The following CEP72 variants were observed in gnomAD, a reference collection of about 807,000 sequenced individuals.
CEP72 encodes centrosomal protein of 72 kDa.
A neutral mutation model predicts 65.7 loss-of-function variants in CEP72; 78 were observed. The observed-to-expected ratio is 1.19, with a 90% confidence interval of 0.99 to 1.43. The LOEUF is 1.43. Ranked by LOEUF, CEP72 falls within the 40% of genes most tolerant of loss-of-function variation. The pLI is 0.00. For missense variants in CEP72, 914 were observed against 832.9 expected (o/e 1.10, Z -1.20); for synonymous variants, 358 against 351.7 (o/e 1.02, Z -0.20).
intron 1 of CEP72, among the ~76,000 whole-genome samples, chr5:615,370 A>T (rs1735929799): frequency 6.6e-6 from 1 of 152,116 alleles, no homozygotes; most frequent in African/African-American, 2.4e-5. Flanking sequence ...TCCTGACCTC[A>T]GGTGATCTCT....
At chr5:651,420 C>G (rs572427388) in intron 11 of CEP72, among the ~76,000 whole-genome samples, 1 of 151,860 alleles carries the variant, frequency 6.6e-6, no homozygotes, top group Non-Finnish European at 1.5e-5. Flanking sequence ...TGAGATATGA[C>G]CTGTGTGCAG....
intron 9 of CEP72, 65 bp from the exon 10 acceptor site, chr5:644,234 T>G (rs745386383): frequency 1.9e-6 from 3 of 1,570,062 alleles, no homozygotes; most frequent in Non-Finnish European, 2.6e-6. Flanking sequence ...GGTTTCAGTT[T>G]TACTTTCTAT....
At chr5:661,770 C>T (rs1430212265), downstream of CEP72, 2 of 152,380 alleles carry the variant, frequency 1.3e-5, no homozygotes, top group Admixed American at 6.5e-5. Context: ...GTCCTCGTGA[C>T]TTTATTTTTG....
intron 11 of CEP72, among the ~76,000 whole-genome samples, chr5:648,384 G>A (rs56177244): frequency 1.4e-5 from 2 of 140,910 alleles, no homozygotes; most frequent in Admixed American, 7.0e-5. Context: ...ACGAGGCATG[G>A]ACTGTGAGAT....
chr5:612,589 C>T (rs1025164391), intron 1 of CEP72, 146 bp downstream of exon 1: 13 of 1,224,596 alleles, frequency 1.1e-5, no homozygotes, highest in Non-Finnish European at 1.3e-5. Flanking sequence ...GCGAGCGGGG[C>T]GCGCGTGTCC....
intron 9 of CEP72, chr5:642,685 C>T (rs1254829367): frequency 9.1e-6 from 9 of 985,320 alleles, no homozygotes; most frequent in Non-Finnish European, 1.1e-5. Context: ...GACAGAGCAG[C>T]CCTGGTTCCC....
At chr5:665,508 G>T (rs376970018) in intron 3 of CEP72, among the ~76,000 whole-genome samples, 1 of 152,124 alleles carries the variant, frequency 6.6e-6, no homozygotes, top group South Asian at 2.1e-4. Context: ...CCTAACAATT[G>T]CCCAGGTCCA....
At chr5:675,220 G>A in the CEP72 span, among the ~76,000 whole-genome samples, 23 of 104,400 alleles carry the variant, frequency 2.2e-4, no homozygotes, top group African/African-American at 6.2e-4. Context: ...AGCCGGGGGT[G>A]CAGTGTGGCT....
At chr5:615,718 G>T (rs772454907) in intron 1 of CEP72, among the ~76,000 whole-genome samples, 4 of 152,010 alleles carry the variant, frequency 2.6e-5, no homozygotes, top group South Asian at 2.1e-4. Flanking sequence ...ATTGTTTTTT[G>T]ATTGTTTCCT....
chr5:669,702 A>G (rs551552428), downstream of CEP72, among the ~76,000 whole-genome samples: 6 of 152,094 alleles, frequency 3.9e-5, no homozygotes, highest in Admixed American at 3.9e-4. Flanking sequence ...GGCGACATTC[A>G]GATCCGGACA....
At chr5:639,043 C>T (rs772814785) in intron 7 of CEP72, 46 bp from the exon 8 acceptor site, 4 of 1,610,620 alleles carry the variant, frequency 2.5e-6, no homozygotes, top group African/African-American at 2.7e-5. Flanking sequence ...GCATTCAGGA[C>T]CTCAGTTACT....
At chr5:664,008 G>C (rs1336806214) in intron 2 of CEP72, 1 of 152,520 alleles carries the variant, frequency 6.6e-6, no homozygotes, top group Non-Finnish European at 1.5e-5. Context: ...TCCTGGATGG[G>C]CTCTGCTCAG....
chr5:659,895 C>A (rs1339263961), downstream of CEP72: 1 of 152,342 alleles, frequency 6.6e-6, no homozygotes, highest in Non-Finnish European at 1.5e-5. Context: ...GTCACTTTAC[C>A]AACTTGACAC....
At chr5:642,697 G>A (rs1197829771) in intron 9 of CEP72, 3 of 985,328 alleles carry the variant, frequency 3.0e-6, no homozygotes, top group African/African-American at 1.7e-5. Flanking sequence ...CTGGTTCCCT[G>A]TCAGGGTGAG....
downstream of CEP72, among the ~76,000 whole-genome samples, chr5:669,695 G>A (rs117535218): frequency 3.1e-3 from 467 of 152,196 alleles, 6 homozygotes; most frequent in East Asian, 5.3e-3. Context: ...CATCAGAGGC[G>A]ACATTCAGAT....
At chr5:656,388 T>TG (rs1739379745), downstream of CEP72, among the ~76,000 whole-genome samples, 1 of 152,220 alleles carries the variant, frequency 6.6e-6, no homozygotes, top group Non-Finnish European at 1.5e-5. Flanking sequence ...TTGACGTACT[T>TG]GCAGTACTGG....
intron 1 of CEP72, chr5:662,726 AG>A (rs1170914193): frequency 6.6e-6 from 1 of 152,554 alleles, no homozygotes; most frequent in Non-Finnish European, 1.5e-5. Flanking sequence ...CGAGGGTGTA[AG>A]GGTGCCAGGG....
At chr5:654,904 A>G (rs140704077), downstream of CEP72, among the ~76,000 whole-genome samples, 551 of 138,720 alleles carry the variant, frequency 4.0e-3, 3 homozygotes, top group Middle Eastern at 7.5e-3. Flanking sequence ...CTCTCAGGTC[A>G]CTAAACGTGA....
chr5:627,582 T>C (rs79759210), intron 4 of CEP72, among the ~76,000 whole-genome samples: 4,076 of 152,270 alleles, frequency 0.027, 72 homozygotes, highest in African/African-American at 0.043. Context: ...CTCATTCTGA[T>C]ACCTTTTCTT....
Sources: allele counts gnomAD v4.1 joint callset (sites outside exome capture counted in the v4.1 genomes callset), GRCh38; gene constraint gnomAD v4.1.1; transcripts MANE v1.5; gene names NCBI Gene and HGNC (gene_info 2026-07-23, HGNC 2026-07-21).